Variants in CUX1 observed in about 807,000 individuals in gnomAD.
CUX1 encodes cut like homeobox 1, also known as protein CASP.
A neutral mutation model predicts 158.8 loss-of-function variants in CUX1; 31 were observed. The ratio of observed to expected loss-of-function variants is 0.20; its 90% confidence interval spans 0.15 to 0.26. The LOEUF is 0.26. CUX1 is among the 10% of genes least tolerant of loss of function. The pLI, the probability that CUX1 is intolerant of heterozygous loss-of-function variation, is 1.00. For synonymous variants in CUX1, 879 were observed against 862.1 expected, an observed-to-expected ratio of 1.02 and a Z score of -0.34; for missense variants, 1,589 against 2,014.6, an observed-to-expected ratio of 0.79 and a Z score of 4.04.
intron 3 of CUX1, among the ~76,000 whole-genome samples, chr7:102,058,431 C>A (rs1824404058): frequency 6.6e-6 from 1 of 151,060 alleles, no homozygotes; most frequent in South Asian, 2.1e-4. Context: ...TGTGCCACTA[C>A]ACCTGGCTAA....
chr7:102,065,189 C>T (rs1825402966), intron 3 of CUX1, among the ~76,000 whole-genome samples: 1 of 152,118 alleles, frequency 6.6e-6, no homozygotes, highest in Non-Finnish European at 1.5e-5. Flanking sequence ...CCAAGCGATC[C>T]TCCCACCTCA....
intron 2 of CUX1, among the ~76,000 whole-genome samples, chr7:101,958,677 A>G (rs1316917296): frequency 2.0e-5 from 3 of 150,750 alleles, no homozygotes; most frequent in Admixed American, 2.0e-4. Flanking sequence ...ACGGGGTTTC[A>G]CCATGTTGGC....
chr7:102,239,828 C>T (rs1237431742), intron 23 of CUX1, among the ~76,000 whole-genome samples: 1 of 152,058 alleles, frequency 6.6e-6, no homozygotes, highest in Non-Finnish European at 1.5e-5. Flanking sequence ...CTCACTGCAA[C>T]CTCCGCCTCC....
At chr7:102,090,014 T>C (rs1331317717) in intron 4 of CUX1, among the ~76,000 whole-genome samples, 3 of 152,218 alleles carry the variant, frequency 2.0e-5, no homozygotes, top group Non-Finnish European at 4.4e-5. Context: ...TGCCTAGTTT[T>C]CTAGTTGTTT....
rs1156432520 is a variant in CUX1, at chr7:102,255,453, C to T, written c.*6411C>T. The T allele has an allele frequency of 4.1e-6, 4 of 984,234 alleles. No homozygotes were observed. Among genetic ancestry groups the T allele is most frequent in the East Asian group, 1.1e-4 (1 of 8,794 alleles). 61.0% of individuals were successfully genotyped at this position (984,234 alleles called of 1,614,324 possible). On this transcript the variant is annotated 3_prime_UTR_variant, in exon 24 of 24. Transcript: ENST00000292535. ...ACATTTGGCTATGCATAAATGTGCA[C>T]TTCCCCCATGCCCCCGTTCTTAAAC...
chr7:101,835,411 C>T (rs909135131), intron 1 of CUX1, among the ~76,000 whole-genome samples: 13 of 152,100 alleles, frequency 8.5e-5, no homozygotes, highest in East Asian at 1.9e-4. Flanking sequence ...AGTAAACATT[C>T]GAGCTGTTTC....
chr7:102,100,989 G>C (rs1301220939), intron 5 of CUX1, among the ~76,000 whole-genome samples: 1 of 152,188 alleles, frequency 6.6e-6, no homozygotes, highest in Non-Finnish European at 1.5e-5. Flanking sequence ...GGCAGAAGGT[G>C]AAAGAGGATC....
At chr7:102,130,541 C>T (rs532416550) in intron 8 of CUX1, among the ~76,000 whole-genome samples, 1 of 151,878 alleles carries the variant, frequency 6.6e-6, no homozygotes, top group African/African-American at 2.4e-5. Flanking sequence ...ATTAGCTGGG[C>T]GTGGTGACGG....
At chr7:101,970,282 A>T (rs1397067011) in intron 2 of CUX1, among the ~76,000 whole-genome samples, 1 of 152,156 alleles carries the variant, frequency 6.6e-6, no homozygotes. Context: ...TTCATAGAGA[A>T]ACGGCTGGCC....
chr7:101,991,629 T>G (rs1392080371), intron 2 of CUX1, among the ~76,000 whole-genome samples: 1 of 151,816 alleles, frequency 6.6e-6, no homozygotes, highest in Non-Finnish European at 1.5e-5. Flanking sequence ...CGTGGTGGTG[T>G]GCACCTGTAA....
intron 6 of CUX1, among the ~76,000 whole-genome samples, 162 bp downstream of exon 6, chr7:102,104,621 G>A (rs372370296): frequency 2.0e-5 from 3 of 152,282 alleles, no homozygotes; most frequent in African/African-American, 7.2e-5. Flanking sequence ...GCTGGGTGTG[G>A]TGGCTCACGC....
At chr7:102,094,670 C>T (rs1239423174) in intron 4 of CUX1, among the ~76,000 whole-genome samples, 1 of 152,180 alleles carries the variant, frequency 6.6e-6, no homozygotes, top group Non-Finnish European at 1.5e-5. Context: ...TTTGCTGGCA[C>T]TTGTGCTAGA....
intron 3 of CUX1, among the ~76,000 whole-genome samples, chr7:102,031,704 A>G (rs1271224711): frequency 6.6e-6 from 1 of 152,200 alleles, no homozygotes; most frequent in Admixed American, 6.6e-5. Flanking sequence ...TATGGGATAC[A>G]TACAGACAGT....
chr7:101,942,950 G>A (rs1485465209), intron 2 of CUX1, among the ~76,000 whole-genome samples: 3 of 152,178 alleles, frequency 2.0e-5, no homozygotes, highest in Admixed American at 2.0e-4. Context: ...ATTCAGCTTG[G>A]ACGGGAATCT....
intron 7 of CUX1, among the ~76,000 whole-genome samples, chr7:102,112,237 TC>T (rs1563259179): frequency 2.1e-4 from 28 of 130,908 alleles, no homozygotes; most frequent in African/African-American, 8.1e-4. Flanking sequence ...CTTCTTTCTC[TC>T]TCTCTTTTTT....
intron 10 of CUX1, among the ~76,000 whole-genome samples, chr7:102,175,890 A>T: frequency 6.6e-6 from 1 of 152,250 alleles, no homozygotes; most frequent in East Asian, 1.9e-4. Context: ...CGAAATGCCG[A>T]ATCGCTATAA....
intron 2 of CUX1, among the ~76,000 whole-genome samples, chr7:101,972,201 C>T (rs1300130121): frequency 1.3e-5 from 2 of 152,278 alleles, no homozygotes; most frequent in East Asian, 3.9e-4. Context: ...CTCCTGACAT[C>T]GTGATCCGCC....
intron 8 of CUX1, among the ~76,000 whole-genome samples, chr7:102,124,825 A>G (rs1338596953): frequency 6.7e-6 from 1 of 150,298 alleles, no homozygotes; most frequent in Admixed American, 6.7e-5. Flanking sequence ...TCTGTTGCCC[A>G]GGCTGGAGTG....
intron 22 of CUX1, among the ~76,000 whole-genome samples, chr7:102,235,828 G>A (rs1323326168): frequency 6.7e-6 from 1 of 149,402 alleles, no homozygotes; most frequent in Admixed American, 6.7e-5. Context: ...CCAGGGGTGG[G>A]TATGGAACCC....
Sources: allele counts gnomAD v4.1 joint callset (sites outside exome capture counted in the v4.1 genomes callset), GRCh38; gene constraint gnomAD v4.1.1; transcripts MANE v1.5; gene names NCBI Gene and HGNC (gene_info 2026-07-23, HGNC 2026-07-21).